Variants in GPATCH8 observed in about 807,000 individuals in gnomAD.
GPATCH8 encodes the protein G-patch domain containing 8.
A neutral mutation model predicts 118.3 loss-of-function variants in GPATCH8; 18 were observed. The observed-to-expected ratio is 0.15, with a 90% confidence interval of 0.11 to 0.23. The LOEUF (loss-of-function observed/expected upper bound fraction) is 0.23. Among genes scored for constraint, GPATCH8 ranks in the 10% least tolerant of loss-of-function variants. The pLI, the probability that GPATCH8 is intolerant of heterozygous loss-of-function variation, is 1.00. For missense variants in GPATCH8, 1,631 were observed against 1,873.8 expected, an observed-to-expected ratio of 0.87 and a Z score of 2.39; for synonymous variants, 659 against 684.7, an observed-to-expected ratio of 0.96 and a Z score of 0.59.
At chr17:44,478,004 GGGGGGT>G (rs1195838747) in intron 1 of GPATCH8, among the ~76,000 whole-genome samples, 5 of 34,218 alleles carry the variant, frequency 1.5e-4, no homozygotes, top group Admixed American at 9.2e-4. Context: ...GAGATGGGGT[GGGGGGT>G]GGGGGGGTTC....
chr17:44,416,220 A>C (rs1454067487), intron 6 of GPATCH8, among the ~76,000 whole-genome samples: 1 of 152,104 alleles, frequency 6.6e-6, no homozygotes, highest in East Asian at 1.9e-4. Context: ...CATGTTGGCC[A>C]GGCTGGTCTC....
chr17:44,485,840 C>G (rs968331864), intron 1 of GPATCH8, among the ~76,000 whole-genome samples: 1 of 152,182 alleles, frequency 6.6e-6, no homozygotes, highest in African/African-American at 2.4e-5. Context: ...AGTCCAGGTA[C>G]TCTTTCTTCA....
intron 3 of GPATCH8, among the ~76,000 whole-genome samples, chr17:44,456,531 T>C (rs377491868): frequency 6.6e-6 from 1 of 152,190 alleles, no homozygotes; most frequent in Non-Finnish European, 1.5e-5. Flanking sequence ...CCTGTAATCC[T>C]AGCACTTTGT....
intron 3 of GPATCH8, among the ~76,000 whole-genome samples, chr17:44,447,993 G>A (rs28449695): frequency 0.037 from 5,611 of 152,150 alleles, 342 homozygotes; most frequent in African/African-American, 0.13. Context: ...GCCCCAGCTG[G>A]AGTACAGTGG....
chr17:44,463,785 A>C (rs1035163086), intron 3 of GPATCH8, among the ~76,000 whole-genome samples: 2 of 152,266 alleles, frequency 1.3e-5, no homozygotes, highest in Non-Finnish European at 2.9e-5. Flanking sequence ...GTTGGTTTCC[A>C]ACTAGGGAGA....
chr17:44,446,017 G>C (rs1446995285), intron 3 of GPATCH8: 1 of 152,092 alleles, frequency 6.6e-6, no homozygotes, highest in Admixed American at 6.6e-5. Context: ...ATAGTTTACT[G>C]TAACACTGAA....
At chr17:44,495,676 G>A (rs1969615159) in intron 1 of GPATCH8, among the ~76,000 whole-genome samples, 1 of 152,078 alleles carries the variant, frequency 6.6e-6, no homozygotes, top group South Asian at 2.1e-4. Context: ...CTATTCTAAA[G>A]GTAAATATAC....
At chr17:44,417,386 T>G (rs1299576617) in intron 6 of GPATCH8, among the ~76,000 whole-genome samples, 2 of 152,172 alleles carry the variant, frequency 1.3e-5, no homozygotes, top group Non-Finnish European at 2.9e-5. Flanking sequence ...AGCTAATTTT[T>G]GGGGGCATTT....
Position 44,437,575 on chromosome 17 carries a change from C to CAT in GPATCH8, c.194-1032_194-1031dup, listed in dbSNP as rs548251587. 7.7e-3 allele frequency among the ~76,000 whole-genome samples: 1,171 copies of CAT among 151,850 alleles called. 6 individuals are homozygous for CAT. The highest frequency in any genetic ancestry group is 0.012 in the Non-Finnish European group (837 of 67,954). On this transcript the variant is annotated intron_variant, in intron 3 of 7. Transcript: ENST00000591680. ...TTGTTGTTGTTGTTATACACACACA[C>CAT]ATATATATATACATATATTATACCT...
intron 1 of GPATCH8, among the ~76,000 whole-genome samples, chr17:44,489,498 G>A (rs540381502): frequency 9.9e-5 from 15 of 152,128 alleles, no homozygotes; most frequent in African/African-American, 3.1e-4. Context: ...CCGCCATCAT[G>A]CCTGGCTAAT....
Position 44,503,367 on chromosome 17 carries a change from C to T in GPATCH8, c.4G>A (p.Ala2Thr). 1 of 1,609,188 alleles carries T rather than the reference C, an allele frequency of 6.2e-7. No homozygotes were observed. The highest frequency in any genetic ancestry group is 8.5e-7 in the Non-Finnish European group (1 of 1,178,090). Residue 2 changes from alanine (A) to threonine (T), a missense_variant, in exon 1 of 8, where the codon GCG becomes ACG. This residue lies in a region of GPATCH8 where 28 missense variants were observed against 33.9 expected (regional missense o/e 0.83). Transcript: ENST00000591680. M[A>T]DRFSRFNEDR... Reference sequence around the variant, plus strand: ...TCGTTGAAGCGGGAGAAGCGGTCCGCCATTTTGCCGCCTTCACTCCTCTCA... The same window carrying T: ...TCGTTGAAGCGGGAGAAGCGGTCCGTCATTTTGCCGCCTTCACTCCTCTCA...
intron 3 of GPATCH8, among the ~76,000 whole-genome samples, chr17:44,454,807 C>G (rs1158596551): frequency 6.6e-6 from 1 of 152,174 alleles, no homozygotes; most frequent in African/African-American, 2.4e-5. Flanking sequence ...ACCTGGGCCT[C>G]TTCTCTATAG....
In GPATCH8 at chr17:44,463,377, G is replaced by A. The variant is rs558622388; in HGVS notation, c.193+1095C>T. Among the ~76,000 whole-genome samples the A allele has an allele frequency of 4.6e-5, 7 of 152,182 alleles. No homozygotes were observed. The South Asian group carries it at 6.2e-4, about 14-fold the overall frequency. The stretch of plus-strand genomic sequence containing the variant: ...GCATGACCAGATGTAGAGGCACAAC[G>A]ATTCCCGTAATTTTTTTCTTTTCTT... On this transcript the variant is annotated intron_variant, in intron 3 of 7. Transcript: ENST00000591680.
chr17:44,483,216 T>TATATAC (rs1438103360), intron 1 of GPATCH8, among the ~76,000 whole-genome samples: 1 of 87,608 alleles, frequency 1.1e-5, no homozygotes, highest in East Asian at 4.5e-4. Flanking sequence ...TATATATATA[T>TATATAC]ACAGCCTACC....
intron 6 of GPATCH8, among the ~76,000 whole-genome samples, chr17:44,409,691 C>A (rs1368278820): frequency 1.3e-5 from 2 of 152,118 alleles, no homozygotes; most frequent in Non-Finnish European, 2.9e-5. Flanking sequence ...AGTTCCAGCT[C>A]CCTCATTAAA....
chr17:44,429,232 A>G (rs1303585950), intron 5 of GPATCH8, among the ~76,000 whole-genome samples: 2 of 152,232 alleles, frequency 1.3e-5, no homozygotes, highest in Non-Finnish European at 2.9e-5. Context: ...TGCACAACAT[A>G]TATCAACACA....
intron 5 of GPATCH8, among the ~76,000 whole-genome samples, chr17:44,425,304 G>C (rs1464114397): frequency 1.3e-5 from 2 of 152,194 alleles, no homozygotes; most frequent in East Asian, 3.9e-4. Flanking sequence ...ACCTAAAAAA[G>C]ATAAGTCTTA....
At chr17:44,406,913 A>G (rs1268187533) in intron 6 of GPATCH8, among the ~76,000 whole-genome samples, 4 of 152,246 alleles carry the variant, frequency 2.6e-5, no homozygotes, top group East Asian at 1.9e-4. Context: ...GAACCCAGAC[A>G]TATCTATCTG....
chr17:44,486,880 T>C (rs1568061740), intron 1 of GPATCH8: 1 of 152,222 alleles, frequency 6.6e-6, no homozygotes, highest in Non-Finnish European at 1.5e-5. Flanking sequence ...TACTTTCAGA[T>C]AGACAGACTT....
Sources: gnomAD v4.1 joint callset for allele counts (sites outside exome capture counted in the v4.1 genomes callset) on GRCh38, gnomAD v4.1.1 for gene constraint, gnomAD v4.1.1 regional missense constraint, MANE v1.5 for transcripts, NCBI Gene and HGNC (gene_info 2026-07-23, HGNC 2026-07-21) for gene names.